ADGRL2: variants seen among roughly 807,000 people sequenced by gnomAD.
ADGRL2 encodes calcium-independent alpha-latrotoxin receptor 2.
A neutral mutation model predicts 157.4 loss-of-function variants in ADGRL2; 44 were observed. The ratio of observed to expected loss-of-function variants is 0.28; its 90% CI spans 0.22 to 0.36. The LOEUF (loss-of-function observed/expected upper bound fraction) is 0.36. Ranked by LOEUF, ADGRL2 falls within the 10% of genes least tolerant of loss-of-function variation. The probability of loss-of-function intolerance (pLI) is 1.00; values close to 1 mark genes in which losing one functional copy is unlikely to be tolerated. For synonymous variants in ADGRL2, 585 were observed against 624.7 expected, an observed-to-expected ratio of 0.94 and a Z score of 0.95; for missense variants, 1,510 against 1,768.9, an observed-to-expected ratio of 0.85 and a Z score of 2.63.
At chr1:81,708,639 C>CATATATAT (rs144706739) in intron 1 of ADGRL2, among the ~76,000 whole-genome samples, 32 of 148,300 alleles carry the variant, frequency 2.2e-4, no homozygotes, top group African/African-American at 5.4e-4. Flanking sequence ...TTAAAATTTA[C>CATATATAT]ATATATATAT....
chr1:81,985,324 T>G lies in ADGRL2; in HGVS notation c.3477T>G (p.Gly1159=). The G allele has an allele frequency of 6.2e-7, 1 of 1,606,820 alleles. No individual in the cohort carries two copies. The highest frequency in any genetic ancestry group is 8.5e-7 in the Non-Finnish European group (1 of 1,175,072). ...AATCAGAATCTTCTTTTATCTCAGG[T>G]GACATCAATAGCACTTCAACACTTA... is the stretch of plus-strand genomic sequence containing the variant. The part of the protein sequence containing the change: ...RKQSESSFIS[G]DINSTSTLNQ... Residue 1159 remains glycine, a synonymous_variant, in exon 21 of 24, where the codon GGT becomes GGG. Coordinates refer to ENST00000686636, the MANE Select transcript of ADGRL2 (RefSeq NM_001366006.2).
At chr1:81,873,236 T>C (rs2093744592) in intron 2 of ADGRL2, among the ~76,000 whole-genome samples, 1 of 152,042 alleles carries the variant, frequency 6.6e-6, no homozygotes, top group South Asian at 2.1e-4. Context: ...AAATCTTCTG[T>C]CCTGTACTCT....
intron 1 of ADGRL2, among the ~76,000 whole-genome samples, chr1:81,337,076 G>A (rs1248293898): frequency 6.6e-6 from 1 of 152,124 alleles, no homozygotes. Flanking sequence ...GTTCAGCTGG[G>A]GATAGTCGAT....
At chr1:81,878,372 G>A (rs893302259) in intron 2 of ADGRL2, among the ~76,000 whole-genome samples, 2 of 152,048 alleles carry the variant, frequency 1.3e-5, no homozygotes, top group African/African-American at 4.8e-5. Context: ...TTTGGTGACT[G>A]TAAAAAGTAG....
intron 3 of ADGRL2, among the ~76,000 whole-genome samples, chr1:81,602,019 A>G (rs1248334079): frequency 6.6e-6 from 1 of 152,196 alleles, no homozygotes. Flanking sequence ...ACCATTCCGA[A>G]TTTTAATTCC....
At chr1:81,650,295 G>C (rs964169433) in intron 3 of ADGRL2, among the ~76,000 whole-genome samples, 1 of 152,034 alleles carries the variant, frequency 6.6e-6, no homozygotes, top group Non-Finnish European at 1.5e-5. Flanking sequence ...TTGTGGGCCG[G>C]GCCCCCTGGC....
At chr1:81,818,128 C>G (rs1345205372) in intron 1 of ADGRL2, among the ~76,000 whole-genome samples, 11 of 151,972 alleles carry the variant, frequency 7.2e-5, no homozygotes, top group Non-Finnish European at 1.2e-4. Flanking sequence ...TACAATCTTG[C>G]TACTACACTC....
At chr1:81,756,011 A>T (rs999857517) in intron 1 of ADGRL2, among the ~76,000 whole-genome samples, 2 of 152,166 alleles carry the variant, frequency 1.3e-5, no homozygotes, top group African/African-American at 2.4e-5. Context: ...GAGTTTAAGA[A>T]ACATTTCTTT....
intron 1 of ADGRL2, among the ~76,000 whole-genome samples, chr1:81,431,616 G>A (rs970152961): frequency 6.6e-6 from 1 of 152,164 alleles, no homozygotes; most frequent in South Asian, 2.1e-4. Flanking sequence ...GAGACAAACT[G>A]GAAGCAGAGG....
intron 3 of ADGRL2, among the ~76,000 whole-genome samples, chr1:81,922,898 T>C (rs1212347661): frequency 1.3e-5 from 2 of 152,108 alleles, no homozygotes; most frequent in African/African-American, 4.8e-5. Context: ...GCCTTTCTTC[T>C]TTTCCTCCTT....
At chr1:81,769,832 AGATTTT>A (rs2086279087) in intron 2 of ADGRL2, among the ~76,000 whole-genome samples, 1 of 151,696 alleles carries the variant, frequency 6.6e-6, no homozygotes, top group African/African-American at 2.4e-5. Flanking sequence ...CCATTTATTT[AGATTTT>A]CAGTAATGTT....
intron 3 of ADGRL2, among the ~76,000 whole-genome samples, chr1:81,911,852 T>C (rs1017308965): frequency 2.0e-5 from 3 of 150,712 alleles, no homozygotes; most frequent in African/African-American, 7.3e-5. Flanking sequence ...GTGTATTTTG[T>C]ATAAAATAGG....
intron 2 of ADGRL2, chr1:81,557,322 AT>A: frequency 5.1e-6 from 1 of 195,294 alleles, no homozygotes. Context: ...ATCCTCTTTG[AT>A]AACCTGCTCT....
chr1:81,618,850 G>T (rs570220709), intron 3 of ADGRL2, among the ~76,000 whole-genome samples: 3 of 147,570 alleles, frequency 2.0e-5, no homozygotes, highest in Non-Finnish European at 4.6e-5. Flanking sequence ...ATCTGGAGAA[G>T]GTTTTTTTTT....
chr1:81,971,806 G>T, intron 16 of ADGRL2, 46 bp from the exon 17 acceptor site: 3 of 982,214 alleles, frequency 3.1e-6, no homozygotes, highest in Non-Finnish European at 3.2e-6. Flanking sequence ...GTGATGTTGA[G>T]GTTCCATAGA....
chr1:81,842,148 G>A (rs890483848), intron 2 of ADGRL2, among the ~76,000 whole-genome samples: 10 of 151,962 alleles, frequency 6.6e-5, no homozygotes, highest in African/African-American at 2.4e-4. Context: ...GAGGGTAGGG[G>A]TGCATGGGTG....
intron 1 of ADGRL2, among the ~76,000 whole-genome samples, chr1:81,345,658 T>G (rs1398444277): frequency 1.3e-5 from 2 of 152,218 alleles, no homozygotes; most frequent in East Asian, 3.8e-4. Context: ...TGAATTGTTT[T>G]AGTCAACTAA....
chr1:81,503,520 A>C, intron 2 of ADGRL2: 3 of 1,585,530 alleles, frequency 1.9e-6, no homozygotes, highest in Non-Finnish European at 1.7e-6. Flanking sequence ...GAGTGAAGGA[A>C]GTTGATGCAC....
chr1:81,400,802 A>G (rs113511486), intron 1 of ADGRL2, among the ~76,000 whole-genome samples: 1,537 of 151,982 alleles, frequency 0.01, 26 homozygotes, highest in South Asian at 0.055. Flanking sequence ...AGCAGTTCAG[A>G]CTCTGGGAAG....
Sources: allele counts gnomAD v4.1 joint callset (sites outside exome capture counted in the v4.1 genomes callset), GRCh38; gene constraint gnomAD v4.1.1; transcripts MANE v1.5; gene names NCBI Gene and HGNC (gene_info 2026-07-23, HGNC 2026-07-21).